Variants in RCAN2 observed in about 807,000 individuals in gnomAD.
RCAN2 encodes the protein calcipressin-2.
A neutral mutation model predicts 23.6 loss-of-function variants in RCAN2; 9 were observed. The ratio of observed to expected loss-of-function variants is 0.38; its 90% CI spans 0.23 to 0.67. The LOEUF is 0.67. Ranked by LOEUF, RCAN2 falls within the 30% of genes least tolerant of loss-of-function variation. The pLI is 0.51. For missense variants in RCAN2, 273 were observed against 302.3 expected, an observed-to-expected ratio of 0.90 and a Z score of 0.72; for synonymous variants, 109 against 115.7, an observed-to-expected ratio of 0.94 and a Z score of 0.37.
chr6:46,391,052 A>G (rs960709741), intron 2 of RCAN2, among the ~76,000 whole-genome samples: 5 of 152,162 alleles, frequency 3.3e-5, no homozygotes, highest in Admixed American at 3.3e-4. Context: ...GGAGAGGTGT[A>G]TTCTGAGGAG....
chr6:46,298,796 A>C (rs915939161), intron 2 of RCAN2, among the ~76,000 whole-genome samples: 1 of 152,048 alleles, frequency 6.6e-6, no homozygotes, highest in African/African-American at 2.4e-5. Flanking sequence ...TACCAAAAAG[A>C]CTCATGCACT....
chr6:46,260,895 C>T (rs1252906488), intron 2 of RCAN2, among the ~76,000 whole-genome samples: 1 of 152,220 alleles, frequency 6.6e-6, no homozygotes, highest in Non-Finnish European at 1.5e-5. Context: ...ATACAGATCT[C>T]TGTTACATGC....
chr6:46,264,270 T>G (rs1298637499), intron 2 of RCAN2, among the ~76,000 whole-genome samples: 1 of 152,246 alleles, frequency 6.6e-6, no homozygotes, highest in Non-Finnish European at 1.5e-5. Flanking sequence ...ACAGGCGATT[T>G]AAAATTTAAT....
intron 2 of RCAN2, among the ~76,000 whole-genome samples, chr6:46,450,394 CA>C (rs1767841996): frequency 6.6e-6 from 1 of 151,936 alleles, no homozygotes. Flanking sequence ...GAGTTTCCTC[CA>C]AAAACTAAAA....
intron 2 of RCAN2, among the ~76,000 whole-genome samples, chr6:46,399,089 T>C (rs1766174076): frequency 6.6e-6 from 1 of 152,016 alleles, no homozygotes; most frequent in South Asian, 2.1e-4. Flanking sequence ...AGAAACATTC[T>C]TCTAGAACCA....
intron 2 of RCAN2, among the ~76,000 whole-genome samples, chr6:46,307,070 C>T (rs944167088): frequency 1.3e-5 from 2 of 152,070 alleles, no homozygotes; most frequent in African/African-American, 4.8e-5. Context: ...TTCTAAAACC[C>T]ATGCAGAACT....
At chr6:46,345,372 A>T (rs1336125278) in intron 2 of RCAN2, among the ~76,000 whole-genome samples, 2 of 152,178 alleles carry the variant, frequency 1.3e-5, no homozygotes, top group Non-Finnish European at 2.9e-5. Flanking sequence ...GAAGATTTGA[A>T]CAACTCCGAA....
At chr6:46,337,373 A>G (rs1449254003) in intron 2 of RCAN2, among the ~76,000 whole-genome samples, 4 of 152,194 alleles carry the variant, frequency 2.6e-5, no homozygotes, top group Admixed American at 6.5e-5. Flanking sequence ...CAACACAGAA[A>G]TCTGTGAATT....
intron 2 of RCAN2, among the ~76,000 whole-genome samples, chr6:46,322,000 T>G (rs1763633888): frequency 6.6e-6 from 1 of 152,300 alleles, no homozygotes; most frequent in East Asian, 1.9e-4. Context: ...TGGGCTCCAT[T>G]CAGACCAGCC....
chr6:46,456,379 T>G (rs894411377), intron 2 of RCAN2, among the ~76,000 whole-genome samples: 1 of 152,210 alleles, frequency 6.6e-6, no homozygotes, highest in African/African-American at 2.4e-5. Context: ...GTTTGTATTG[T>G]TTTGAGAAAG....
intron 4 of RCAN2, among the ~76,000 whole-genome samples, chr6:46,236,365 C>T (rs996921541): frequency 3.3e-5 from 5 of 152,224 alleles, no homozygotes; most frequent in Non-Finnish European, 5.9e-5. Flanking sequence ...TTTCCTCTTT[C>T]CTAACCTTTT....
intron 2 of RCAN2, among the ~76,000 whole-genome samples, chr6:46,413,541 T>C (rs556614685): frequency 1.3e-5 from 2 of 152,216 alleles, no homozygotes; most frequent in South Asian, 2.1e-4. Context: ...TGCAATTGCA[T>C]GTATGTGAGG....
chr6:46,383,462 CAAG>C (rs1387126672), intron 2 of RCAN2, among the ~76,000 whole-genome samples: 2 of 151,798 alleles, frequency 1.3e-5, no homozygotes, highest in Admixed American at 1.3e-4. Flanking sequence ...TCTTGTTGGG[CAAG>C]AAAGATATGA....
chr6:46,439,691 G>A (rs114272069), intron 2 of RCAN2, among the ~76,000 whole-genome samples: 24 of 152,300 alleles, frequency 1.6e-4, no homozygotes, highest in African/African-American at 5.1e-4. Flanking sequence ...TGTCAAGGAG[G>A]CTGGGCAAAG....
chr6:46,417,599 C>T (rs990969887), intron 2 of RCAN2, among the ~76,000 whole-genome samples: 23 of 152,270 alleles, frequency 1.5e-4, no homozygotes, highest in African/African-American at 5.1e-4. Flanking sequence ...ACTCCTCTGG[C>T]CATTTTCTGA....
chr6:46,448,306 A>T (rs1767773970), intron 2 of RCAN2, among the ~76,000 whole-genome samples: 1 of 151,882 alleles, frequency 6.6e-6, no homozygotes, highest in African/African-American at 2.4e-5. Context: ...ACATGAACTG[A>T]CCAATAACAA....
intron 2 of RCAN2, among the ~76,000 whole-genome samples, chr6:46,330,797 A>C (rs551037330): frequency 5.8e-4 from 88 of 152,066 alleles, no homozygotes; most frequent in Non-Finnish European, 1.1e-3. Flanking sequence ...AAGCCATGTT[A>C]TTTGTCTTTT....
At chr6:46,483,918 G>T (rs1409796734) in intron 1 of RCAN2, among the ~76,000 whole-genome samples, 2 of 152,162 alleles carry the variant, frequency 1.3e-5, no homozygotes, top group Non-Finnish European at 2.9e-5. Context: ...ATAAAATTTT[G>T]TTTGAACCAC....
chr6:46,412,691 A>G (rs1766582138), intron 2 of RCAN2, among the ~76,000 whole-genome samples: 2 of 152,172 alleles, frequency 1.3e-5, no homozygotes, highest in African/African-American at 4.8e-5. Flanking sequence ...ATAAGAACAT[A>G]AAAATACAAC....
Sources: gnomAD v4.1 joint callset for allele counts (sites outside exome capture counted in the v4.1 genomes callset) on GRCh38, gnomAD v4.1.1 for gene constraint, MANE v1.5 for transcripts, NCBI Gene and HGNC (gene_info 2026-07-23, HGNC 2026-07-21) for gene names.